STMND1: variants seen among roughly 807,000 people sequenced by gnomAD.
The protein encoded by STMND1 is stathmin domain-containing protein 1.
STMND1 carries 17 observed loss-of-function variants against 23.0 expected under a neutral mutation model. The ratio of observed to expected loss-of-function variants is 0.74; its 90% CI spans 0.51 to 1.11. The LOEUF (loss-of-function observed/expected upper bound fraction) is 1.11. Ranked by LOEUF, STMND1 falls within the 50% of genes least tolerant of loss-of-function variation. The pLI is 0.00. For missense variants in STMND1, 305 were observed against 329.1 expected, an observed-to-expected ratio of 0.93 and a Z score of 0.57; for synonymous variants, 114 against 119.9, an observed-to-expected ratio of 0.95 and a Z score of 0.32.
At chr6:17,109,030 T>A (rs1761064136) in intron 1 of STMND1, among the ~76,000 whole-genome samples, 2 of 152,200 alleles carry the variant, frequency 1.3e-5, no homozygotes, top group South Asian at 4.1e-4. Flanking sequence ...TGCACATATG[T>A]TACATGTAAT....
chr6:17,130,487 C>A, intron 4 of STMND1, 107 bp from the exon 5 acceptor site: 1 of 877,028 alleles, frequency 1.1e-6, no homozygotes, highest in Non-Finnish European at 1.7e-6. Context: ...TGTTATTTGA[C>A]TGAATGATGA....
chr6:17,114,809 C>T (rs1475506692), intron 1 of STMND1, among the ~76,000 whole-genome samples, 153 bp from the exon 2 acceptor site: 2 of 152,162 alleles, frequency 1.3e-5, no homozygotes, highest in African/African-American at 4.8e-5. Flanking sequence ...GGTATGTGGC[C>T]CAGGGGGTTG....
intron 1 of STMND1, among the ~76,000 whole-genome samples, chr6:17,112,862 G>T (rs1252821627): frequency 6.6e-6 from 1 of 152,150 alleles, no homozygotes; most frequent in Non-Finnish European, 1.5e-5. Flanking sequence ...GTTTTCTAAA[G>T]AGCTGCACCA....
At chr6:17,114,547 T>C (rs1457684308) in intron 1 of STMND1, among the ~76,000 whole-genome samples, 1 of 152,226 alleles carries the variant, frequency 6.6e-6, no homozygotes, top group African/African-American at 2.4e-5. Flanking sequence ...ATTACAGGCG[T>C]GAGCCACTGC....
chr6:17,124,863 G>A (rs1205934711), intron 3 of STMND1, among the ~76,000 whole-genome samples: 1 of 151,774 alleles, frequency 6.6e-6, no homozygotes, highest in Admixed American at 6.6e-5. Context: ...GCTGGGCATG[G>A]TGGTGTGCAC....
At chr6:17,129,284 G>A in intron 4 of STMND1, 41 bp downstream of exon 4, 1 of 1,526,762 alleles carries the variant, frequency 6.5e-7, no homozygotes, top group African/African-American at 1.4e-5. Flanking sequence ...GGAGTTCGCT[G>A]TCTGTTAAAA....
chr6:17,125,365 G>C (rs1561925484), intron 3 of STMND1, among the ~76,000 whole-genome samples: 1 of 152,120 alleles, frequency 6.6e-6, no homozygotes, highest in East Asian at 1.9e-4. Flanking sequence ...GATGTGATTG[G>C]CTCTCATTTA....
At chr6:17,126,056 ATATATATATATATATTTTTTTT>A (rs1761294184) in intron 3 of STMND1, among the ~76,000 whole-genome samples, 1 of 22,596 alleles carries the variant, frequency 4.4e-5, no homozygotes, top group Admixed American at 5.3e-4. Flanking sequence ...ATATATATAT[ATATATATATATATATTTTTTTT>A]TTTTTTTTTT....
At chr6:17,116,156 C>T (rs1423845129) in intron 2 of STMND1, among the ~76,000 whole-genome samples, 1 of 152,166 alleles carries the variant, frequency 6.6e-6, no homozygotes, top group Non-Finnish European at 1.5e-5. Flanking sequence ...CCTGGTGACC[C>T]AGAACAGTCA....
chr6:17,106,464 A>G (rs1223668591), intron 1 of STMND1, among the ~76,000 whole-genome samples: 1 of 152,094 alleles, frequency 6.6e-6, no homozygotes, highest in Non-Finnish European at 1.5e-5. Flanking sequence ...AGATTCCTTA[A>G]TGTCTTCTTG....
intron 1 of STMND1, among the ~76,000 whole-genome samples, chr6:17,106,756 TTA>T (rs1761030872): frequency 6.6e-6 from 1 of 152,234 alleles, no homozygotes; most frequent in Non-Finnish European, 1.5e-5. Flanking sequence ...CATGAAATAT[TTA>T]TGTTTCTTAG....
chr6:17,120,867 C>T, intron 3 of STMND1, 109 bp downstream of exon 3: 1 of 895,504 alleles, frequency 1.1e-6, no homozygotes, highest in Admixed American at 3.1e-5. Context: ...CAGATAACAG[C>T]ATTTATTTAA....
intron 1 of STMND1, among the ~76,000 whole-genome samples, chr6:17,106,144 G>C (rs1761022096): frequency 6.6e-6 from 1 of 151,878 alleles, no homozygotes; most frequent in Non-Finnish European, 1.5e-5. Flanking sequence ...CCTCTCCGGG[G>C]TCACATGATA....
intron 3 of STMND1, among the ~76,000 whole-genome samples, chr6:17,122,978 C>T (rs1581373010): frequency 6.6e-6 from 1 of 152,106 alleles, no homozygotes; most frequent in South Asian, 2.1e-4. Flanking sequence ...AAAAGGAAAG[C>T]AAGTCTGAGA....
At chr6:17,115,229 T>A in intron 2 of STMND1, 90 bp downstream of exon 2, 1 of 1,275,316 alleles carries the variant, frequency 7.8e-7, no homozygotes, top group South Asian at 1.6e-5. Context: ...GGTCCTTTTA[T>A]CATTGCTTTC....
chr6:17,129,195 A>G lies in STMND1; in HGVS notation c.495A>G (p.Thr165=), dbSNP rs1266588103. Residue 165 remains threonine, a synonymous_variant, in exon 4 of 5, where the codon ACA becomes ACG. Coordinates refer to ENST00000536551, the MANE Select transcript of STMND1 (RefSeq NM_001190766.2). Reference sequence around the variant, plus strand: ...TCAAAAAGCAAGTGAAGGATTTCACAATGAAGGACATCGAGGAGAAGATGG... The same window carrying G: ...TCAAAAAGCAAGTGAAGGATTTCACGATGAAGGACATCGAGGAGAAGATGG... ...LKIKKQVKDF[T]MKDIEEKMEA... 15 of 1,535,872 alleles carry G rather than the reference A, an allele frequency of 9.8e-6. No individual in the cohort carries two copies. The highest frequency in any genetic ancestry group is 1.7e-4 in the Middle Eastern group (1 of 6,012).
chr6:17,126,085 TTTTTTTTTTTTTTA>T (rs1761301013), intron 3 of STMND1, among the ~76,000 whole-genome samples: 5 of 121,468 alleles, frequency 4.1e-5, no homozygotes, highest in African/African-American at 1.7e-4. Context: ...TTTTTTTTTT[TTTTTTTTTTTTTTA>T]AAGAGACAGG....
Position 17,131,012 on chromosome 6 carries a change from G to T in STMND1, c.*131G>T. ...CTGCCTTGGGCTTAAGGATGATTGT[G>T]TGGGCTGCACAGGCTGAAGGTTAGT... is the stretch of plus-strand genomic sequence containing the variant. On this transcript the variant is annotated 3_prime_UTR_variant, in exon 5 of 5. Transcript: ENST00000536551. The T allele has an allele frequency of 1.1e-6, 1 of 869,830 alleles. No individual in the cohort carries two copies. Among genetic ancestry groups the T allele is most frequent in the Non-Finnish European group, 1.7e-6 (1 of 588,774 alleles). 53.9% of individuals were successfully genotyped at this position (869,830 alleles called of 1,614,324 possible). A position where few individuals can be genotyped will look rare whatever the true frequency, so the allele number is the denominator to read the frequency against.
intron 2 of STMND1, among the ~76,000 whole-genome samples, chr6:17,118,333 T>A (rs1267159365): frequency 6.6e-6 from 1 of 152,138 alleles, no homozygotes; most frequent in East Asian, 1.9e-4. Flanking sequence ...CTTATAAAAA[T>A]AAAATTTTGT....
Sources: allele counts gnomAD v4.1 joint callset (sites outside exome capture counted in the v4.1 genomes callset), GRCh38; gene constraint gnomAD v4.1.1; transcripts MANE v1.5; gene names NCBI Gene and HGNC (gene_info 2026-07-23, HGNC 2026-07-21).